The following ALG6 variants were observed in gnomAD, a reference collection of about 807,000 sequenced individuals.
ALG6 encodes ALG6 alpha-1,3-glucosyltransferase.
Under a neutral mutation model 66.6 loss-of-function variants are expected in ALG6, and 46 were observed. The observed-to-expected ratio is 0.69, with a 90% CI of 0.55 to 0.88. ALG6 has a LOEUF of 0.88. Among genes scored for constraint, ALG6 ranks in the 40% least tolerant of loss-of-function variants. ALG6 has a pLI of 0.00. For missense variants in ALG6, 505 were observed against 586.8 expected, an observed-to-expected ratio of 0.86 and a Z score of 1.44; for synonymous variants, 185 against 203.7, an observed-to-expected ratio of 0.91 and a Z score of 0.78.
intron 2 of ALG6, among the ~76,000 whole-genome samples, chr1:63,393,923 G>GA (rs1162620933): frequency 6.6e-6 from 1 of 151,994 alleles, no homozygotes; most frequent in Non-Finnish European, 1.5e-5. Flanking sequence ...TTCTTTCTGA[G>GA]AGATAGAGAG....
intron 12 of ALG6, among the ~76,000 whole-genome samples, chr1:63,421,034 T>C (rs1452935110): frequency 4.6e-5 from 7 of 151,856 alleles, no homozygotes; most frequent in African/African-American, 1.7e-4. Context: ...TTAGCTATCA[T>C]TCTTAAAGAT....
At chr1:63,431,120 C>T (rs987194575) in intron 14 of ALG6, among the ~76,000 whole-genome samples, 1 of 152,012 alleles carries the variant, frequency 6.6e-6, no homozygotes, top group East Asian at 1.9e-4. Context: ...TCTTGGCACT[C>T]TTGTTGAAAA....
At chr1:63,400,759 A>G (rs1037454639) in intron 3 of ALG6, among the ~76,000 whole-genome samples, 3 of 152,174 alleles carry the variant, frequency 2.0e-5, no homozygotes, top group African/African-American at 7.2e-5. Context: ...TGCTGTATCC[A>G]TCTTAGTTGT....
chr1:63,403,342 A>G (rs550756719), intron 4 of ALG6, among the ~76,000 whole-genome samples: 9 of 152,290 alleles, frequency 5.9e-5, no homozygotes, highest in African/African-American at 2.2e-4. Context: ...CTGTCAAGTT[A>G]GAAACTAGAA....
intron 9 of ALG6, among the ~76,000 whole-genome samples, chr1:63,413,061 C>T (rs962230273): frequency 3.9e-5 from 6 of 152,092 alleles, no homozygotes; most frequent in African/African-American, 1.2e-4. Context: ...ATTGTTATAA[C>T]CACCACTTAG....
At chr1:63,401,767 A>G (rs1208581304) in intron 3 of ALG6, among the ~76,000 whole-genome samples, 1 of 152,124 alleles carries the variant, frequency 6.6e-6, no homozygotes, top group Admixed American at 6.6e-5. Context: ...AAATAAATGG[A>G]ATAGAAGAAG....
intron 2 of ALG6, among the ~76,000 whole-genome samples, chr1:63,382,887 A>T (rs1648376678): frequency 6.6e-6 from 1 of 152,010 alleles, no homozygotes; most frequent in South Asian, 2.1e-4. Context: ...CATGTTAGCC[A>T]GGATGGTCTC....
At chr1:63,425,865 A>G (rs773291825) in intron 12 of ALG6, among the ~76,000 whole-genome samples, 45 of 152,166 alleles carry the variant, frequency 3.0e-4, no homozygotes, top group Non-Finnish European at 5.7e-4. Flanking sequence ...GCGATGAGGG[A>G]AAGTGAAAAC....
intron 2 of ALG6, among the ~76,000 whole-genome samples, chr1:63,373,502 C>T (rs903681747): frequency 7.9e-5 from 12 of 151,188 alleles, no homozygotes; most frequent in Non-Finnish European, 1.5e-4. Flanking sequence ...GGCTGAGGCA[C>T]GAGAATTGCT....
chr1:63,399,679 T>A (rs1326296117), intron 3 of ALG6, among the ~76,000 whole-genome samples: 1 of 151,674 alleles, frequency 6.6e-6, no homozygotes. Context: ...AGGCTAAAAA[T>A]TTTTTTCTTT....
intron 3 of ALG6, among the ~76,000 whole-genome samples, chr1:63,400,283 G>GTATA (rs1344584456): frequency 2.5e-4 from 1 of 4,022 alleles, no homozygotes; most frequent in Non-Finnish European, 3.6e-4. Context: ...ATATATATAC[G>GTATA]TATATATATA....
At chr1:63,370,158 C>G (rs111396360) in intron 1 of ALG6, among the ~76,000 whole-genome samples, 3,748 of 142,348 alleles carry the variant, frequency 0.026, 122 homozygotes, top group African/African-American at 0.084. Flanking sequence ...CTAAGGAAAA[C>G]TGTAAAAAAA....
intron 6 of ALG6, 112 bp from the exon 7 acceptor site, chr1:63,406,950 C>T: frequency 1.3e-6 from 1 of 773,354 alleles, no homozygotes; most frequent in South Asian, 1.5e-5. Context: ...GAAAGTGTGA[C>T]ACCTCTGGAA....
intron 2 of ALG6, among the ~76,000 whole-genome samples, chr1:63,394,664 G>A (rs999828985): frequency 2.0e-5 from 3 of 151,950 alleles, no homozygotes; most frequent in South Asian, 2.1e-4. Flanking sequence ...CACCACGCCC[G>A]GCCACCTTTA....
intron 2 of ALG6, among the ~76,000 whole-genome samples, chr1:63,384,509 C>T (rs914554702): frequency 3.9e-5 from 6 of 152,130 alleles, no homozygotes; most frequent in East Asian, 3.9e-4. Context: ...CCCATTTGCC[C>T]GTTTTTGCTT....
intron 9 of ALG6, among the ~76,000 whole-genome samples, chr1:63,412,496 G>T (rs925055555): frequency 3.3e-5 from 5 of 152,136 alleles, no homozygotes; most frequent in African/African-American, 1.2e-4. Context: ...AATAGGGTTT[G>T]TAATGAAAGA....
At chr1:63,381,583 C>T (rs569833774) in intron 2 of ALG6, among the ~76,000 whole-genome samples, 174 of 150,884 alleles carry the variant, frequency 1.2e-3, no homozygotes, top group Non-Finnish European at 2.0e-3. Flanking sequence ...AGGTCAAGGC[C>T]GCAGTGAGCC....
At chr1:63,373,203 C>T (rs958715858) in intron 2 of ALG6, among the ~76,000 whole-genome samples, 2 of 151,782 alleles carry the variant, frequency 1.3e-5, no homozygotes, top group African/African-American at 2.4e-5. Flanking sequence ...CACAGGGTCT[C>T]ACCATGTTGC....
intron 5 of ALG6, among the ~76,000 whole-genome samples, chr1:63,405,088 G>A (rs1644483668): frequency 6.6e-6 from 1 of 152,062 alleles, no homozygotes; most frequent in African/African-American, 2.4e-5. Context: ...AGCTTTACAT[G>A]ACTTATGCTT....
Sources: gnomAD v4.1 joint callset for allele counts (sites outside exome capture counted in the v4.1 genomes callset) on GRCh38, gnomAD v4.1.1 for gene constraint, MANE v1.5 for transcripts, NCBI Gene and HGNC (gene_info 2026-07-23, HGNC 2026-07-21) for gene names.